FGF1: variants seen among roughly 807,000 people sequenced by gnomAD.
The protein encoded by FGF1 is fibroblast growth factor 1, also known as beta-endothelial cell growth factor.
Under a neutral mutation model 13.4 loss-of-function variants are expected in FGF1, and 9 were observed. The observed-to-expected ratio is 0.67, with a 90% CI of 0.40 to 1.17. The LOEUF is 1.17. FGF1 is among the 50% of genes most tolerant of loss of function. The probability of loss-of-function intolerance (pLI) is 0.01; values close to 1 mark genes in which losing one functional copy is unlikely to be tolerated. For synonymous variants in FGF1, 93 were observed against 79.0 expected, an observed-to-expected ratio of 1.18 and a Z score of -0.94; for missense variants, 156 against 192.7, an observed-to-expected ratio of 0.81 and a Z score of 1.13.
chr5:142,647,992 G>A (rs1175514045), intron 1 of FGF1, among the ~76,000 whole-genome samples: 1 of 152,146 alleles, frequency 6.6e-6, no homozygotes, highest in Non-Finnish European at 1.5e-5. Flanking sequence ...GGCTGAAGCA[G>A]GAGAATCACT....
chr5:142,609,977 C>T (rs1029158411), intron 2 of FGF1, among the ~76,000 whole-genome samples: 2 of 152,098 alleles, frequency 1.3e-5, no homozygotes, highest in African/African-American at 4.8e-5. Flanking sequence ...GTTTGTGGGG[C>T]GGAACCACTG....
intron 1 of FGF1, among the ~76,000 whole-genome samples, chr5:142,655,712 A>G (rs1029809468): frequency 1.3e-5 from 2 of 152,246 alleles, no homozygotes; most frequent in African/African-American, 4.8e-5. Flanking sequence ...ATATTGAGAA[A>G]GAACATCTTG....
At position 142,692,856 on chromosome 5, in the gene FGF1, A is replaced by C. The variant is rs570990130; in HGVS notation, c.-35+4766T>G. The stretch of plus-strand genomic sequence containing the variant: ...CAAACAAACAAACAAACAAACAAAC[A>C]AACCCAATCTGGATCCCCAGTTTCT... On this transcript the variant is annotated intron_variant, in intron 2 of 4. Coordinates refer to the FGF1 transcript ENST00000407758. Among the ~76,000 whole-genome samples the C allele has an allele frequency of 9.5e-4, 144 of 151,350 alleles. 3 individuals are homozygous for C. The South Asian group carries it at 0.026, about 27-fold the overall frequency.
intron 1 of FGF1, among the ~76,000 whole-genome samples, chr5:142,642,730 C>A (rs1239908045): frequency 6.6e-6 from 1 of 152,164 alleles, no homozygotes; most frequent in African/African-American, 2.4e-5. Flanking sequence ...CCTGAGAGAG[C>A]CAAAGAGCTG....
chr5:142,671,524 A>C (rs1278358645), intron 1 of FGF1, among the ~76,000 whole-genome samples: 3 of 152,248 alleles, frequency 2.0e-5, no homozygotes, highest in Non-Finnish European at 4.4e-5. Flanking sequence ...ATGTTTTCTA[A>C]TCCAATAAAC....
At chr5:142,619,610 A>C (rs1300664963) in intron 1 of FGF1, among the ~76,000 whole-genome samples, 1 of 152,202 alleles carries the variant, frequency 6.6e-6, no homozygotes, top group African/African-American at 2.4e-5. Flanking sequence ...AAGGTGGAAT[A>C]AATAAAACTG....
At chr5:142,604,078 C>A (rs1757138232) in intron 2 of FGF1, among the ~76,000 whole-genome samples, 1 of 152,070 alleles carries the variant, frequency 6.6e-6, no homozygotes, top group South Asian at 2.1e-4. Flanking sequence ...ATAAAGACAG[C>A]AAGTAGATTC....
chr5:142,645,714 A>G (rs893713066), intron 1 of FGF1, among the ~76,000 whole-genome samples: 1 of 152,072 alleles, frequency 6.6e-6, no homozygotes, highest in African/African-American at 2.4e-5. Context: ...ACCTTCCTCC[A>G]ACGGCCTCCA....
intron 1 of FGF1, among the ~76,000 whole-genome samples, chr5:142,633,305 A>G (rs894824474): frequency 1.3e-5 from 2 of 152,220 alleles, no homozygotes; most frequent in Non-Finnish European, 2.9e-5. Flanking sequence ...GGGGGAAAGC[A>G]CATGCATTTT....
intron 1 of FGF1, among the ~76,000 whole-genome samples, chr5:142,658,042 T>A (rs1263700863): frequency 6.6e-6 from 1 of 152,162 alleles, no homozygotes; most frequent in Non-Finnish European, 1.5e-5. Context: ...CCAAGAAATC[T>A]TCCAGGACAT....
At chr5:142,695,301 G>A (rs753816502) in intron 2 of FGF1, among the ~76,000 whole-genome samples, 9 of 152,144 alleles carry the variant, frequency 5.9e-5, no homozygotes, top group Admixed American at 6.5e-5. Flanking sequence ...AAGGCTGGGC[G>A]CAGTGGCTTA....
intron 1 of FGF1, among the ~76,000 whole-genome samples, chr5:142,635,419 G>A (rs1486863411): frequency 6.6e-6 from 1 of 152,220 alleles, no homozygotes; most frequent in Non-Finnish European, 1.5e-5. Flanking sequence ...GAGCAGCTCA[G>A]TCAGTGTCGA....
At chr5:142,666,618 G>T (rs67197778) in intron 1 of FGF1, among the ~76,000 whole-genome samples, 42,696 of 152,070 alleles carry the variant, frequency 0.28, 6,865 homozygotes, top group African/African-American at 0.45. Flanking sequence ...TATAACAAGA[G>T]AAGCCAAACT....
intron 1 of FGF1, among the ~76,000 whole-genome samples, chr5:142,620,112 T>C (rs1464007847): frequency 6.6e-6 from 1 of 151,450 alleles, no homozygotes; most frequent in Non-Finnish European, 1.5e-5. Context: ...ACCAGACAAA[T>C]GTTAACAAAA....
chr5:142,606,246 A>G (rs112207395), intron 2 of FGF1, among the ~76,000 whole-genome samples: 23 of 63,266 alleles, frequency 3.6e-4, no homozygotes, highest in South Asian at 5.5e-4. Flanking sequence ...GTGTGTGTGT[A>G]TGTAGTTTTT....
At chr5:142,649,758 T>C (rs1766874932) in intron 1 of FGF1, among the ~76,000 whole-genome samples, 1 of 152,206 alleles carries the variant, frequency 6.6e-6, no homozygotes, top group African/African-American at 2.4e-5. Flanking sequence ...GCCATGATCA[T>C]CTTTATCCAT....
At chr5:142,645,977 T>C (rs527805682) in intron 1 of FGF1, among the ~76,000 whole-genome samples, 50 of 152,284 alleles carry the variant, frequency 3.3e-4, no homozygotes, top group African/African-American at 9.6e-4. Flanking sequence ...GGTGCGATCT[T>C]GGCTCATTGC....
At chr5:142,640,811 G>A (rs531410047) in intron 1 of FGF1, among the ~76,000 whole-genome samples, 1 of 152,042 alleles carries the variant, frequency 6.6e-6, no homozygotes, top group South Asian at 2.1e-4. Flanking sequence ...GGCAGTCACT[G>A]TATCCTACCC....
rs374421346 is a variant in FGF1 at position 142,696,258 on chromosome 5, G to C, written c.-35+1364C>G. On this transcript the variant is annotated intron_variant, in intron 2 of 4. Coordinates refer to the FGF1 transcript ENST00000407758. ...ATGTAAGAGGGAGGAGCTGCTATCAGATGAGCTTTGAGTCAATCTAGACCA... is the reference window on the plus strand; with the variant it reads ...ATGTAAGAGGGAGGAGCTGCTATCACATGAGCTTTGAGTCAATCTAGACCA... Among the ~76,000 whole-genome samples the C allele has an allele frequency of 1.5e-3, 221 of 152,336 alleles. 1 individual carries two copies. The highest frequency in any genetic ancestry group is 5.2e-3 in the African/African-American group (216 of 41,564).
Sources: gnomAD v4.1 joint callset for allele counts (sites outside exome capture counted in the v4.1 genomes callset) on GRCh38, gnomAD v4.1.1 for gene constraint, MANE v1.5 for transcripts, NCBI Gene and HGNC (gene_info 2026-07-23, HGNC 2026-07-21) for gene names.